Variants in FHOD3 observed in about 807,000 individuals in gnomAD.
FHOD3 encodes the protein FH1/FH2 domain-containing protein 3.
A neutral mutation model predicts 173.0 loss-of-function variants in FHOD3; 90 were observed. The observed-to-expected ratio is 0.52, with a 90% CI of 0.44 to 0.62. The LOEUF (loss-of-function observed/expected upper bound fraction) is 0.62, where lower values mean the gene tolerates loss of function less well. Among genes scored for constraint, FHOD3 ranks in the 20% least tolerant of loss-of-function variants. FHOD3 has a pLI of 0.00. For missense variants in FHOD3, 1,945 were observed against 2,034.7 expected, an observed-to-expected ratio of 0.96 and a Z score of 0.85; for synonymous variants, 828 against 823.0, an observed-to-expected ratio of 1.01 and a Z score of -0.10.
chr18:36,314,752 A>G (rs147520090), intron 1 of FHOD3, among the ~76,000 whole-genome samples: 2 of 152,296 alleles, frequency 1.3e-5, no homozygotes, highest in South Asian at 2.1e-4. Context: ...CTCAAATGAA[A>G]AACCAGAGTC....
At chr18:36,521,823 G>T (rs990104799) in intron 5 of FHOD3, among the ~76,000 whole-genome samples, 2 of 152,102 alleles carry the variant, frequency 1.3e-5, no homozygotes, top group African/African-American at 4.8e-5. Context: ...AGCCCACTTT[G>T]GTCCTGCCCT....
chr18:36,594,739 C>A, intron 6 of FHOD3, 48 bp from the exon 7 acceptor site: 1 of 1,389,486 alleles, frequency 7.2e-7, no homozygotes, highest in Non-Finnish European at 1.0e-6. Context: ...CTCTCTGGTG[C>A]ACAGGGCCTT....
At chr18:36,514,500 T>C (rs1327311627) in intron 5 of FHOD3, among the ~76,000 whole-genome samples, 1 of 152,150 alleles carries the variant, frequency 6.6e-6, no homozygotes, top group Non-Finnish European at 1.5e-5. Context: ...TCTAGTTTAT[T>C]TTCCGGGTAT....
At position 36,693,374 on chromosome 18, in the gene FHOD3, G is replaced by A. The variant is rs1433239773; in HGVS notation, c.2187G>A (p.Glu729=). 2 of 1,613,786 alleles carry A rather than the reference G, an allele frequency of 1.2e-6. No homozygotes were observed. Among genetic ancestry groups the A allele is most frequent in the Non-Finnish European group, 1.7e-6 (2 of 1,179,872 alleles). ...SHSPSSSDSQ[E]ALTVSASSPG... ...GCCCCTCATCTTCAGACTCTCAAGA[G>A]GCTCTCACGGTGTCTGCCTCCTCCC... Residue 729 remains glutamate (E), a synonymous_variant, in exon 17 of 29, where the codon GAG becomes GAA. Coordinates refer to ENST00000590592, the MANE Select transcript of FHOD3 (RefSeq NM_001281740.3).
chr18:36,673,614 A>T (rs367607597), intron 14 of FHOD3, among the ~76,000 whole-genome samples: 110 of 152,162 alleles, frequency 7.2e-4, no homozygotes, highest in African/African-American at 2.4e-3. Flanking sequence ...ATGGCTGGAG[A>T]CTATGGGTGA....
chr18:36,394,274 T>C (rs910655822), intron 3 of FHOD3, among the ~76,000 whole-genome samples: 1 of 152,218 alleles, frequency 6.6e-6, no homozygotes, highest in Non-Finnish European at 1.5e-5. Context: ...AAGTCATTAT[T>C]AAGGTCATCG....
intron 1 of FHOD3, among the ~76,000 whole-genome samples, chr18:36,316,063 G>A (rs1377579515): frequency 1.3e-5 from 2 of 151,544 alleles, no homozygotes; most frequent in South Asian, 2.1e-4. Flanking sequence ...TGTGTCTCAG[G>A]TCTCTGGTAT....
intron 3 of FHOD3, among the ~76,000 whole-genome samples, chr18:36,383,032 CCA>C (rs2047868116): frequency 6.6e-6 from 1 of 152,164 alleles, no homozygotes; most frequent in South Asian, 2.1e-4. Flanking sequence ...ACTTGGTCTG[CCA>C]CACTTCCACG....
At chr18:36,743,628 A>G (rs1218918145) in intron 22 of FHOD3, among the ~76,000 whole-genome samples, 1 of 152,196 alleles carries the variant, frequency 6.6e-6, no homozygotes, top group Non-Finnish European at 1.5e-5. Flanking sequence ...TGCTGCCCCT[A>G]TCAACCCATC....
At chr18:36,314,895 G>A (rs899784628) in intron 1 of FHOD3, among the ~76,000 whole-genome samples, 1 of 152,158 alleles carries the variant, frequency 6.6e-6, no homozygotes, top group African/African-American at 2.4e-5. Flanking sequence ...TAAAAATCGA[G>A]GATGTTAGCA....
At chr18:36,478,432 T>G (rs1446151372) in intron 3 of FHOD3, among the ~76,000 whole-genome samples, 3 of 152,206 alleles carry the variant, frequency 2.0e-5, no homozygotes, top group Non-Finnish European at 4.4e-5. Context: ...ATCATACTCT[T>G]CTAGTTATTT....
At chr18:36,407,423 C>A (rs1254194500) in intron 3 of FHOD3, among the ~76,000 whole-genome samples, 1 of 152,208 alleles carries the variant, frequency 6.6e-6, no homozygotes, top group East Asian at 1.9e-4. Context: ...AACAGCCCTG[C>A]TGCTTTGGTT....
chr18:36,691,091 C>T (rs985941400), intron 16 of FHOD3, among the ~76,000 whole-genome samples: 1 of 152,136 alleles, frequency 6.6e-6, no homozygotes, highest in Admixed American at 6.5e-5. Context: ...GATGAGTGGC[C>T]CCTGGAGTCT....
In FHOD3 at chr18:36,380,791, A is replaced by G. The variant is rs569791016; in HGVS notation, c.337+8047A>G. On this transcript the variant is annotated intron_variant, in intron 3 of 28. Coordinates refer to ENST00000590592, the MANE Select transcript of FHOD3 (RefSeq NM_001281740.3). ...AACTCTACAAGAAAGCTAAAAAAGA[A>G]ATCCTGTCTACCTCAGCCATTAAAA... Among the ~76,000 whole-genome samples, 8 of 152,212 alleles carry G rather than the reference A, an allele frequency of 5.3e-5. No individual in the cohort carries two copies. The South Asian group carries it at 1.7e-3, about 32-fold the overall frequency.
intron 10 of FHOD3, among the ~76,000 whole-genome samples, chr18:36,637,420 T>C (rs2034968516): frequency 6.6e-6 from 1 of 152,138 alleles, no homozygotes; most frequent in Non-Finnish European, 1.5e-5. Context: ...CACATCCAGC[T>C]AATTTTTGTA....
intron 17 of FHOD3, among the ~76,000 whole-genome samples, chr18:36,704,062 G>T (rs1201787590): frequency 6.6e-6 from 1 of 152,124 alleles, no homozygotes; most frequent in Admixed American, 6.5e-5. Context: ...TCTCTTTGAG[G>T]ATACCCTGGA....
chr18:36,417,636 T>C (rs1478469416), intron 3 of FHOD3, among the ~76,000 whole-genome samples: 1 of 152,224 alleles, frequency 6.6e-6, no homozygotes, highest in African/African-American at 2.4e-5. Context: ...TATGTGGCTT[T>C]ATTTCATGAG....
intron 17 of FHOD3, among the ~76,000 whole-genome samples, chr18:36,708,866 G>A (rs565052744): frequency 6.6e-6 from 1 of 152,116 alleles, no homozygotes; most frequent in Non-Finnish European, 1.5e-5. Context: ...AACTCATCTA[G>A]TAAACCTCCA....
chr18:36,779,681 T>G lies in FHOD3; in HGVS notation c.*151T>G. 1.5e-6 allele frequency: 1 copy of G among 675,472 alleles called. No homozygotes were observed. 41.8% of individuals were successfully genotyped at this position (675,472 alleles called of 1,614,324 possible). A position where few individuals can be genotyped will look rare whatever the true frequency, so the allele number is the denominator to read the frequency against. ...TCCCAGCGTCACCCCATGGCTTGTGTTGCCTGCTACGCATTGACTTGGATC... is the reference window on the plus strand; with the variant it reads ...TCCCAGCGTCACCCCATGGCTTGTGGTGCCTGCTACGCATTGACTTGGATC... On this transcript the variant is annotated 3_prime_UTR_variant, in exon 29 of 29. Transcript: ENST00000590592.
Sources: gnomAD v4.1 joint callset for allele counts (sites outside exome capture counted in the v4.1 genomes callset) on GRCh38, gnomAD v4.1.1 for gene constraint, MANE v1.5 for transcripts, NCBI Gene and HGNC (gene_info 2026-07-23, HGNC 2026-07-21) for gene names.